P2RY6: variants seen among roughly 807,000 people sequenced by gnomAD.
P2RY6 encodes the protein P2Y purinoceptor 6.
A neutral mutation model predicts 16.3 loss-of-function variants in P2RY6; 19 were observed. The observed-to-expected ratio is 1.16, with a 90% CI of 0.81 to 1.71. P2RY6 has a LOEUF of 1.71. Among genes scored for constraint, P2RY6 ranks in the 40% most tolerant of loss-of-function variants. The pLI is 0.00. For missense variants in P2RY6, 389 were observed against 455.5 expected (o/e 0.85, Z 1.33); for synonymous variants, 184 against 201.5 (o/e 0.91, Z 0.74).
At chr11:73,270,748 T>C (rs901557391), upstream of P2RY6, among the ~76,000 whole-genome samples, 4 of 151,990 alleles carry the variant, frequency 2.6e-5, no homozygotes, top group East Asian at 7.8e-4. Context: ...GGAGTCCCAG[T>C]CTTCGCACTA....
upstream of P2RY6, among the ~76,000 whole-genome samples, chr11:73,268,950 C>T (rs1863194445): frequency 6.6e-6 from 1 of 152,188 alleles, no homozygotes. Flanking sequence ...CAGCTCCATT[C>T]CACAGCTGAG....
intron 1 of P2RY6, among the ~76,000 whole-genome samples, chr11:73,283,036 C>T (rs1863826405): frequency 6.6e-6 from 1 of 152,106 alleles, no homozygotes; most frequent in Non-Finnish European, 1.5e-5. Context: ...AGGACGGGAA[C>T]CCCCAGGTCT....
chr11:73,268,533 G>T (rs1340407378), upstream of P2RY6, among the ~76,000 whole-genome samples: 1 of 152,200 alleles, frequency 6.6e-6, no homozygotes, highest in African/African-American at 2.4e-5. Flanking sequence ...GGCTGAGGAG[G>T]ATCATTTGAG....
upstream of P2RY6, among the ~76,000 whole-genome samples, chr11:73,268,313 T>C (rs1863172650): frequency 6.6e-6 from 1 of 152,154 alleles, no homozygotes; most frequent in South Asian, 2.1e-4. Context: ...AGGGAAAACC[T>C]CTGTGGCTCA....
chr11:73,284,987 G>A (rs757034963), intron 1 of P2RY6, among the ~76,000 whole-genome samples: 23 of 152,200 alleles, frequency 1.5e-4, no homozygotes, highest in Non-Finnish European at 2.5e-4. Flanking sequence ...CATGCGTTGC[G>A]TAGGGGTTTA....
chr11:73,292,854 G>T (rs958925979), intron 1 of P2RY6: 104 of 984,884 alleles, frequency 1.1e-4, no homozygotes, highest in Middle Eastern at 5.2e-4. Flanking sequence ...GGGAGCCTCA[G>T]GTCTGGCTTC....
chr11:73,290,287 AAAGAAAGAAAGAAAGAAAAG>A (rs1864153268), intron 1 of P2RY6, among the ~76,000 whole-genome samples: 1 of 138,246 alleles, frequency 7.2e-6, no homozygotes, highest in Non-Finnish European at 1.5e-5. Context: ...GGAAGGAAAG[AAAGAAAGAAAGAAAGAAAAG>A]AAAGAAAGAA....
chr11:73,290,564 C>T (rs1264317235), intron 1 of P2RY6, among the ~76,000 whole-genome samples: 3 of 152,242 alleles, frequency 2.0e-5, no homozygotes, highest in African/African-American at 7.2e-5. Context: ...ATCCATTGCT[C>T]TGGCTTCTGT....
At chr11:73,288,596 C>G (rs1331342864) in intron 1 of P2RY6, among the ~76,000 whole-genome samples, 4 of 152,208 alleles carry the variant, frequency 2.6e-5, no homozygotes. Context: ...GCCAGGGAGG[C>G]ACTGGCTTTA....
chr11:73,277,799 C>A (rs1863600052), intron 1 of P2RY6, among the ~76,000 whole-genome samples: 1 of 152,198 alleles, frequency 6.6e-6, no homozygotes. Context: ...GGTTTTGGCT[C>A]CAGAAGGGGA....
At chr11:73,285,780 C>T (rs2135728369) in intron 1 of P2RY6, among the ~76,000 whole-genome samples, 1 of 152,298 alleles carries the variant, frequency 6.6e-6, no homozygotes, top group South Asian at 2.1e-4. Flanking sequence ...ACGGCCTCAT[C>T]CTTGAGGATC....
intron 1 of P2RY6, among the ~76,000 whole-genome samples, chr11:73,291,861 G>C (rs890042520): frequency 1.3e-5 from 2 of 152,094 alleles, no homozygotes; most frequent in African/African-American, 4.8e-5. Flanking sequence ...AGTGATTGGG[G>C]GCAAAGGTGG....
chr11:73,296,233 A>ATAT (rs1554992361), intron 2 of P2RY6, among the ~76,000 whole-genome samples: 4,321 of 124,184 alleles, frequency 0.035, 77 homozygotes, highest in African/African-American at 0.057. Context: ...GAAAAAAAAA[A>ATAT]ATATATATAT....
chr11:73,293,281 C>T (rs933847082), intron 1 of P2RY6, among the ~76,000 whole-genome samples: 1 of 152,118 alleles, frequency 6.6e-6, no homozygotes, highest in Non-Finnish European at 1.5e-5. Context: ...GAATGTGTGA[C>T]AAAAGAGGAA....
chr11:73,271,025 G>C (rs1368107567), upstream of P2RY6, among the ~76,000 whole-genome samples: 1 of 152,216 alleles, frequency 6.6e-6, no homozygotes, highest in Non-Finnish European at 1.5e-5. Flanking sequence ...TAGACTACAG[G>C]TGTCTCAAGG....
intron 1 of P2RY6, among the ~76,000 whole-genome samples, chr11:73,265,827 TAGAG>T (rs1863083929): frequency 6.6e-6 from 1 of 152,176 alleles, no homozygotes. Flanking sequence ...GCAGAAATAT[TAGAG>T]AGGCTTCAAA....
chr11:73,265,875 CA>C (rs1863085592), intron 1 of P2RY6, among the ~76,000 whole-genome samples: 1 of 152,208 alleles, frequency 6.6e-6, no homozygotes, highest in Admixed American at 6.5e-5. Flanking sequence ...GAACTTTGGG[CA>C]AAACCTCACT....
chr11:73,278,454 G>A (rs1374027088), intron 1 of P2RY6, among the ~76,000 whole-genome samples: 6 of 152,086 alleles, frequency 3.9e-5, no homozygotes, highest in East Asian at 1.9e-4. Flanking sequence ...ATGAGCCACC[G>A]TGCCCAGCCC....
At chr11:73,283,693 G>A (rs1239176108) in intron 1 of P2RY6, among the ~76,000 whole-genome samples, 1 of 152,210 alleles carries the variant, frequency 6.6e-6, no homozygotes, top group Non-Finnish European at 1.5e-5. Context: ...TGGGCTCAAA[G>A]GCTCCTTGCT....
Sources: allele counts gnomAD v4.1 joint callset (sites outside exome capture counted in the v4.1 genomes callset), GRCh38; gene constraint gnomAD v4.1.1; transcripts MANE v1.5; gene names NCBI Gene and HGNC (gene_info 2026-07-23, HGNC 2026-07-21).